The following CYP39A1 variants were observed in gnomAD, a reference collection of about 807,000 sequenced individuals.
CYP39A1 encodes cytochrome P450 family 39 subfamily A member 1.
Under a neutral mutation model 58.1 loss-of-function variants are expected in CYP39A1, and 49 were observed. The ratio of observed to expected loss-of-function variants is 0.84; its 90% CI spans 0.67 to 1.07. CYP39A1 has a LOEUF of 1.07. CYP39A1 is among the 50% of genes least tolerant of loss of function. The pLI, the probability that CYP39A1 is intolerant of heterozygous loss-of-function variation, is 0.00. For synonymous variants in CYP39A1, 209 were observed against 187.6 expected (o/e 1.11, Z -0.93); for missense variants, 531 against 539.4 (o/e 0.98, Z 0.16).
chr6:46,605,299 G>A (rs1561984058), intron 7 of CYP39A1, among the ~76,000 whole-genome samples: 1 of 152,312 alleles, frequency 6.6e-6, no homozygotes, highest in Middle Eastern at 3.4e-3. Context: ...GGCTGCCAGT[G>A]TGCAAGGTAA....
intron 10 of CYP39A1, among the ~76,000 whole-genome samples, chr6:46,579,597 T>C (rs916297253): frequency 4.6e-5 from 7 of 152,154 alleles, no homozygotes; most frequent in African/African-American, 1.4e-4. Context: ...TATGATTCTA[T>C]ACCTAGAAAA....
At chr6:46,601,567 G>C (rs1178567723) in intron 7 of CYP39A1, among the ~76,000 whole-genome samples, 1 of 152,054 alleles carries the variant, frequency 6.6e-6, no homozygotes, top group African/African-American at 2.4e-5. Context: ...TGGAAATACA[G>C]AAAGTACGTG....
chr6:46,609,196 T>C (rs1774046674), intron 7 of CYP39A1, among the ~76,000 whole-genome samples: 1 of 151,634 alleles, frequency 6.6e-6, no homozygotes, highest in South Asian at 2.1e-4. Context: ...GGTCAGAAGA[T>C]CGAGACCATC....
rs187233698 is a variant in CYP39A1, at chr6:46,651,340, T to C, written c.177+1066A>G. On this transcript the variant is annotated intron_variant, in intron 1 of 11. Transcript: ENST00000275016. Reference sequence around the variant, plus strand: ...TTAAGTAAACTATTGTATCCTCCTATGACAAAATATAGCCATAAAAGGAAG... The same window carrying C: ...TTAAGTAAACTATTGTATCCTCCTACGACAAAATATAGCCATAAAAGGAAG... Among the ~76,000 whole-genome samples, 512 of 152,272 alleles carry C rather than the reference T, an allele frequency of 3.4e-3. 2 individuals carry two copies. The highest frequency in any genetic ancestry group is 0.012 in the South Asian group (56 of 4,828).
Position 46,588,553 on chromosome 6 carries a change from T to C in CYP39A1, c.1066-424A>G, listed in dbSNP as rs369514686. Among the ~76,000 whole-genome samples, 36 of 152,196 alleles carry C rather than the reference T, an allele frequency of 2.4e-4. No homozygotes were observed. The South Asian group carries it at 6.9e-3, about 29-fold the overall frequency. Reference sequence around the variant, plus strand: ...GAAACTACAGTGGAGGCTCAGGTTATGAAACAGAAAAATTGGACTCTGAGA... The same window carrying C: ...GAAACTACAGTGGAGGCTCAGGTTACGAAACAGAAAAATTGGACTCTGAGA... On this transcript the variant is annotated intron_variant, in intron 8 of 11. Transcript: ENST00000275016.
intron 7 of CYP39A1, among the ~76,000 whole-genome samples, chr6:46,622,614 G>A (rs373586170): frequency 6.6e-6 from 1 of 151,850 alleles, no homozygotes; most frequent in Non-Finnish European, 1.5e-5. Flanking sequence ...TTGCTAAAAA[G>A]TAAATTAAAA....
intron 1 of CYP39A1, among the ~76,000 whole-genome samples, chr6:46,643,871 G>A (rs1056482516): frequency 9.2e-5 from 14 of 152,080 alleles, no homozygotes; most frequent in East Asian, 5.8e-4. Context: ...AGGCACACAC[G>A]GTATGTTGTA....
Position 46,596,110 on chromosome 6 carries a change from C to T in CYP39A1, c.942G>A (p.Lys314=), listed in dbSNP as rs545003240. 6.2e-7 allele frequency: 1 copy of T among 1,601,318 alleles called. No homozygotes were observed. Among genetic ancestry groups the T allele is most frequent in the South Asian group, 1.1e-5 (1 of 87,912 alleles). ...CCAGGTCATCCTCAGACACTTTAATCTTATCTTTGCCTGTAAAAAAATTTT... is the reference window on the plus strand; with the variant it reads ...CCAGGTCATCCTCAGACACTTTAATTTTATCTTTGCCTGTAAAAAAATTTT... ...SSVFGKAGKD[K]IKVSEDDLEN... The change falls in exon 8 of 12, where the codon AAG becomes AAA. Residue 314 remains lysine (K), a synonymous_variant. Coordinates refer to ENST00000275016, the MANE Select transcript of CYP39A1 (RefSeq NM_016593.5).
At chr6:46,647,477 T>C (rs897924303) in intron 1 of CYP39A1, among the ~76,000 whole-genome samples, 1 of 152,224 alleles carries the variant, frequency 6.6e-6, no homozygotes, top group Non-Finnish European at 1.5e-5. Flanking sequence ...TATTTTAATG[T>C]AGGGAACTTT....
In CYP39A1 at chr6:46,633,240, ATTATAC is replaced by A. The variant is rs148299482; in HGVS notation, c.733-2176_733-2171del. Among the ~76,000 whole-genome samples, 1,191 of 152,298 alleles carry A rather than the reference ATTATAC, an allele frequency of 7.8e-3. 11 individuals are homozygous for A. Among genetic ancestry groups the A allele is most frequent in the African/African-American group, 0.028 (1,159 of 41,566 alleles). ...TGAATTTCATTTACTGCTTGTCTCT[ATTATAC>A]TTATAATGTAAGTTGTCACAGGACA... On this transcript the variant is annotated intron_variant, in intron 5 of 11. Transcript: ENST00000275016.
intron 7 of CYP39A1, among the ~76,000 whole-genome samples, chr6:46,601,346 T>G (rs1005561209): frequency 6.6e-6 from 1 of 152,180 alleles, no homozygotes; most frequent in Non-Finnish European, 1.5e-5. Context: ...ACCTGGCTCC[T>G]CTACAACCCC....
intron 5 of CYP39A1, among the ~76,000 whole-genome samples, chr6:46,635,240 T>A (rs752759225): frequency 6.6e-6 from 1 of 152,216 alleles, no homozygotes; most frequent in Non-Finnish European, 1.5e-5. Context: ...TAAGCTCCTA[T>A]CCAGTCCTCT....
At chr6:46,572,456 A>C (rs1208823358) in intron 10 of CYP39A1, among the ~76,000 whole-genome samples, 2 of 152,148 alleles carry the variant, frequency 1.3e-5, no homozygotes, top group Admixed American at 6.6e-5. Context: ...GGTTTTCAGA[A>C]TGTTTTTTCT....
intron 10 of CYP39A1, among the ~76,000 whole-genome samples, chr6:46,570,477 C>T (rs962850468): frequency 2.0e-5 from 3 of 152,010 alleles, no homozygotes; most frequent in African/African-American, 4.8e-5. Flanking sequence ...CTATATACTT[C>T]CCCCTTAGAA....
intron 5 of CYP39A1, among the ~76,000 whole-genome samples, chr6:46,636,120 G>C (rs934761634): frequency 2.0e-5 from 3 of 152,128 alleles, no homozygotes; most frequent in Admixed American, 6.6e-5. Flanking sequence ...ACAGCCAACT[G>C]TATGATAACA....
At position 46,595,199 on chromosome 6, in the gene CYP39A1, C is replaced by T. The variant is rs189315642; in HGVS notation, c.1065+788G>A. 3.9e-5 allele frequency among the ~76,000 whole-genome samples: 6 copies of T among 151,960 alleles called. No individual in the cohort carries two copies. In the East Asian group the frequency reaches 7.7e-4, roughly 20 times the overall value. On this transcript the variant is annotated intron_variant, in intron 8 of 11. Transcript: ENST00000275016. ...ATGTAGAGAAAAGGGAACACTTGCA[C>T]ACTATCGGTGGGAATGTAAATTAGT...
chr6:46,571,755 A>T (rs1771595401), intron 10 of CYP39A1, among the ~76,000 whole-genome samples: 1 of 151,888 alleles, frequency 6.6e-6, no homozygotes, highest in Non-Finnish European at 1.5e-5. Flanking sequence ...GTAAGAACTC[A>T]CTATTGCCAT....
chr6:46,554,822 T>TTTTTTATG (rs1228005597), intron 10 of CYP39A1, among the ~76,000 whole-genome samples: 1 of 152,032 alleles, frequency 6.6e-6, no homozygotes, highest in Non-Finnish European at 1.5e-5. Flanking sequence ...TTTTTATGGT[T>TTTTTTATG]CTCCTAAATA....
intron 10 of CYP39A1, among the ~76,000 whole-genome samples, chr6:46,579,049 G>T (rs182948442): frequency 1.3e-5 from 2 of 152,068 alleles, no homozygotes; most frequent in Admixed American, 1.3e-4. Flanking sequence ...TAACATACAT[G>T]CAACAATTCT....
Sources: allele counts gnomAD v4.1 joint callset (sites outside exome capture counted in the v4.1 genomes callset), GRCh38; gene constraint gnomAD v4.1.1; transcripts MANE v1.5; gene names NCBI Gene and HGNC (gene_info 2026-07-23, HGNC 2026-07-21).